LSM12: variants seen among roughly 807,000 people sequenced by gnomAD.
The protein encoded by LSM12 is LSM12 homolog.
For synonymous variants in LSM12, 74 were observed against 87.3 expected (o/e 0.85, Z 0.85); for missense variants, 108 against 238.9 (o/e 0.45, Z 3.61).
chr17:44,053,273 A>G (rs181086322), intron 2 of LSM12, among the ~76,000 whole-genome samples: 6 of 152,330 alleles, frequency 3.9e-5, no homozygotes, highest in Admixed American at 1.3e-4. Context: ...ATTTGTTTAC[A>G]CATTGTCTAG....
In LSM12 at chr17:44,040,266, A is replaced by C; in HGVS notation, c.259-10T>G. On this transcript the variant is annotated splice_polypyrimidine_tract_variant and intron_variant, in intron 2 of 4. Transcript: ENST00000293406. The stretch of plus-strand genomic sequence containing the variant: ...GTGCTTTGCTGGCAAGCTAGGGTGG[A>C]AGAGAGGAAAGAGACTCAGAATAGG... 6.3e-7 allele frequency: 1 copy of C among 1,592,110 alleles called. No homozygotes were observed. The highest frequency in any genetic ancestry group is 8.6e-7 in the Non-Finnish European group (1 of 1,160,568).
In LSM12 at chr17:44,066,592, G is replaced by A. The variant is rs2049881831; in HGVS notation, c.-5C>T. On this transcript the variant is annotated 5_prime_UTR_variant, in exon 1 of 5. Transcript: ENST00000293406. The stretch of plus-strand genomic sequence containing the variant: ...CTCGCCCGGAGGAGCCGCCATCTTG[G>A]GAGTGCAGCCGCGGCCGGCGGCGGC... The A allele has an allele frequency of 9.1e-6, 13 of 1,423,670 alleles. No individual in the cohort carries two copies. The highest frequency in any genetic ancestry group is 1.5e-5 in the African/African-American group (1 of 66,928). 88.2% of individuals were successfully genotyped at this position (1,423,670 alleles called of 1,614,324 possible).
At chr17:44,039,371 T>TC in intron 3 of LSM12, among the ~76,000 whole-genome samples, 1 of 115,022 alleles carries the variant, frequency 8.7e-6, no homozygotes, top group Non-Finnish European at 1.8e-5. Flanking sequence ...ATGTCTTTTT[T>TC]TTTTTTTTTT....
chr17:44,054,869 C>A (rs2049691219), intron 2 of LSM12, among the ~76,000 whole-genome samples: 1 of 151,094 alleles, frequency 6.6e-6, no homozygotes, highest in Non-Finnish European at 1.5e-5. Flanking sequence ...GACAGAGTCT[C>A]AATCTGTCGC....
chr17:44,036,063 C>T lies in LSM12; in HGVS notation c.*145G>A. 1 of 620,804 alleles carries T rather than the reference C, an allele frequency of 1.6e-6. No individual in the cohort carries two copies. The allele number at this position is 620,804 out of a possible 1,614,324, so 38.5% of individuals were successfully genotyped here. A position where few individuals can be genotyped will look rare whatever the true frequency, so the allele number is the denominator to read the frequency against. On this transcript the variant is annotated 3_prime_UTR_variant, in exon 5 of 5. Transcript: ENST00000293406. Reference sequence around the variant, plus strand: ...TTTTTTGTTGGGTGTTTTGTTTGTTCAAGTCTAAGATTTGGAAATGCTGAC... The same window carrying T: ...TTTTTTGTTGGGTGTTTTGTTTGTTTAAGTCTAAGATTTGGAAATGCTGAC...
intron 1 of LSM12, among the ~76,000 whole-genome samples, chr17:44,064,149 T>C (rs2049836896): frequency 6.6e-6 from 1 of 152,226 alleles, no homozygotes; most frequent in Non-Finnish European, 1.5e-5. Context: ...GTTCTGTCAC[T>C]TTCTCTCTAC....
chr17:44,040,819 CAAA>C (rs1180250412), intron 2 of LSM12, among the ~76,000 whole-genome samples: 2 of 119,680 alleles, frequency 1.7e-5, no homozygotes, highest in Admixed American at 8.4e-5. Flanking sequence ...ACTAAAAATA[CAAA>C]AAAAAAAAAA....
intron 2 of LSM12, among the ~76,000 whole-genome samples, chr17:44,059,804 A>G (rs1179209799): frequency 3.9e-5 from 6 of 152,166 alleles, no homozygotes; most frequent in African/African-American, 1.4e-4. Flanking sequence ...TTTTATCAAC[A>G]GGTTTAATTA....
At chr17:44,037,584 C>T (rs1444146480) in intron 3 of LSM12, 46 bp from the exon 4 acceptor site, 1 of 1,544,658 alleles carries the variant, frequency 6.5e-7, no homozygotes, top group Non-Finnish European at 8.7e-7. Flanking sequence ...TTGGGGGCAT[C>T]CCACATCTCC....
rs977441838 is a variant in LSM12 at position 44,034,362 on chromosome 17, C to G, written c.*1846G>C. ...TCTGAAAGTTTACTTCTCAGCTCGC[C>G]GACCATTTGTGCCTCCAAACAGTCC... On this transcript the variant is annotated 3_prime_UTR_variant, in exon 5 of 5. Coordinates refer to ENST00000293406, the MANE Select transcript of LSM12 (RefSeq NM_001371445.1). Among the ~76,000 whole-genome samples the G allele has an allele frequency of 6.6e-6, 1 of 150,830 alleles. No homozygotes were observed. The highest frequency in any genetic ancestry group is 1.9e-4 in the East Asian group (1 of 5,190).
chr17:44,048,481 CAAAA>C (rs534794067), intron 2 of LSM12, among the ~76,000 whole-genome samples: 3 of 64,408 alleles, frequency 4.7e-5, no homozygotes, highest in Admixed American at 1.8e-4. Flanking sequence ...GACTCCATCT[CAAAA>C]AAAAAAAAAA....
rs758214554 is a variant in LSM12 at position 44,066,607 on chromosome 17, C to CCGGCGG, written c.-26_-21dup. On this transcript the variant is annotated 5_prime_UTR_variant, in exon 1 of 5. Transcript: ENST00000293406. ...CGCCATCTTGGGAGTGCAGCCGCGG[C>CCGGCGG]CGGCGGCGGCGGCGGCAGCAGCGGG... 29 of 1,340,304 alleles carry CCGGCGG rather than the reference C, an allele frequency of 2.2e-5. No homozygotes were observed. The highest frequency in any genetic ancestry group is 2.8e-4 in the Middle Eastern group (1 of 3,554). The allele number at this position is 1,340,304 out of a possible 1,614,324, so 83.0% of individuals were successfully genotyped here.
upstream of LSM12, chr17:44,067,299 C>CAAA (rs1470722275): frequency 6.6e-6 from 1 of 152,212 alleles, no homozygotes; most frequent in Non-Finnish European, 1.5e-5. Context: ...GACTCTGTCT[C>CAAA]AAAACAAACA....
In LSM12 at chr17:44,066,517, C is replaced by G. The variant is rs1269522811; in HGVS notation, c.71G>C (p.Arg24Pro). 6.5e-7 allele frequency: 1 copy of G among 1,528,278 alleles called. No homozygotes were observed. The highest frequency in any genetic ancestry group is 8.8e-7 in the Non-Finnish European group (1 of 1,138,884). The allele number at this position is 1,528,278 out of a possible 1,614,324, so 94.7% of individuals were successfully genotyped here. A position where few individuals can be genotyped will look rare whatever the true frequency, so the allele number is the denominator to read the frequency against. Residue 24 changes from arginine (R) to proline (P), a missense_variant, in exon 1 of 5, where the codon CGG (arginine) becomes CCG (proline). By Grantham distance (103) the Arg-to-Pro change is moderately radical. Transcript: ENST00000293406. Reference sequence around the variant, plus strand: ...AAAGGCTACCACCTCGCCCTGCAGCCGCTGCTCCTGGCACGTCCGGCACGA... The same window carrying G: ...AAAGGCTACCACCTCGCCCTGCAGCGGCTGCTCCTGGCACGTCCGGCACGA... Reference protein sequence around the residue: ...QVSCRTCQEQRLQGEVVAFDY... With the variant: ...QVSCRTCQEQPLQGEVVAFDY...
At chr17:44,064,320 G>C (rs895689459) in intron 1 of LSM12, among the ~76,000 whole-genome samples, 1 of 152,174 alleles carries the variant, frequency 6.6e-6, no homozygotes, top group African/African-American at 2.4e-5. Flanking sequence ...TTGCAGAGGA[G>C]AAAACTACAC....
At position 44,038,102 on chromosome 17, in the gene LSM12, G is replaced by A. The variant is rs58129434; in HGVS notation, c.369-564C>T. On this transcript the variant is annotated intron_variant, in intron 3 of 4. Transcript: ENST00000293406. ...GGTGGCTCACACCTGTAATCCCCGCGCTTTGGGAGGCCGAGGTGGGTAGAT... is the reference window on the plus strand; with the variant it reads ...GGTGGCTCACACCTGTAATCCCCGCACTTTGGGAGGCCGAGGTGGGTAGAT... Among the ~76,000 whole-genome samples the A allele has an allele frequency of 8.3e-4, 126 of 152,078 alleles. 1 individual carries two copies. The highest frequency in any genetic ancestry group is 2.8e-3 in the African/African-American group (115 of 41,486).
chr17:44,034,649 A>T lies in LSM12; in HGVS notation c.*1559T>A, dbSNP rs1263114478. 6.6e-6 allele frequency: 1 copy of T among 152,388 alleles called. No individual in the cohort carries two copies. The highest frequency in any genetic ancestry group is 1.5e-5 in the Non-Finnish European group (1 of 68,010). The allele number at this position is 152,388 out of a possible 1,614,324, so 9.4% of individuals were successfully genotyped here. ...TGAGACATGAGTGATGGTTAAAAAAATTTGGGTTTTATTGTTTTTGCTAAA... is the reference window on the plus strand; with the variant it reads ...TGAGACATGAGTGATGGTTAAAAAATTTTGGGTTTTATTGTTTTTGCTAAA... On this transcript the variant is annotated 3_prime_UTR_variant, in exon 5 of 5. Transcript: ENST00000293406.
intron 2 of LSM12, among the ~76,000 whole-genome samples, chr17:44,043,762 A>G (rs1204728858): frequency 6.6e-6 from 1 of 151,588 alleles, no homozygotes; most frequent in African/African-American, 2.4e-5. Flanking sequence ...TGAGCCCAGT[A>G]GTTACAGACC....
intron 2 of LSM12, among the ~76,000 whole-genome samples, chr17:44,047,089 T>G (rs1451465171): frequency 6.6e-6 from 1 of 152,180 alleles, no homozygotes; most frequent in Non-Finnish European, 1.5e-5. Context: ...CTGTTAGCCT[T>G]TCTGATCTCA....
Sources: allele counts gnomAD v4.1 joint callset (sites outside exome capture counted in the v4.1 genomes callset), GRCh38; gene constraint gnomAD v4.1.1; transcripts MANE v1.5; gene names NCBI Gene and HGNC (gene_info 2026-07-23, HGNC 2026-07-21).